Variants in SPHKAP observed in about 807,000 individuals in gnomAD.
SPHKAP encodes SPHK1 interactor, AKAP domain containing.
In SPHKAP, 67 loss-of-function variants were observed where a neutral mutation model predicts 137.5. The observed-to-expected ratio is 0.49, with a 90% CI of 0.40 to 0.60. The LOEUF (loss-of-function observed/expected upper bound fraction) is 0.60, where lower values mean the gene tolerates loss of function less well. Ranked by LOEUF, SPHKAP falls within the 20% of genes least tolerant of loss-of-function variation. The pLI is 0.00. For synonymous variants in SPHKAP, 813 were observed against 785.3 expected (o/e 1.04, Z -0.59); for missense variants, 2,097 against 2,069.3 (o/e 1.01, Z -0.26).
At chr2:228,078,622 T>C (rs1181472111) in intron 3 of SPHKAP, among the ~76,000 whole-genome samples, 5 of 152,086 alleles carry the variant, frequency 3.3e-5, no homozygotes, top group Non-Finnish European at 7.4e-5. Flanking sequence ...TCAAACAACT[T>C]TCCACACACA....
chr2:227,999,599 T>C (rs552646142), intron 7 of SPHKAP, among the ~76,000 whole-genome samples: 4 of 152,208 alleles, frequency 2.6e-5, no homozygotes, highest in Non-Finnish European at 5.9e-5. Flanking sequence ...ATCTCAGTGA[T>C]TGACATCCAA....
intron 1 of SPHKAP, among the ~76,000 whole-genome samples, chr2:228,164,757 C>T (rs965849738): frequency 3.9e-5 from 6 of 152,184 alleles, no homozygotes. Context: ...TCTTTAAACG[C>T]TCAATTGCTC....
At chr2:228,040,101 A>G (rs1229416160) in intron 3 of SPHKAP, among the ~76,000 whole-genome samples, 1 of 152,208 alleles carries the variant, frequency 6.6e-6, no homozygotes, top group Admixed American at 6.5e-5. Flanking sequence ...AACCAAAAGC[A>G]TGATGTCAAA....
At chr2:228,060,303 C>T (rs901159985) in intron 3 of SPHKAP, among the ~76,000 whole-genome samples, 10 of 152,126 alleles carry the variant, frequency 6.6e-5, no homozygotes, top group Admixed American at 6.5e-4. Context: ...TTTCTTTTCA[C>T]TCACGCTGGC....
intron 3 of SPHKAP, among the ~76,000 whole-genome samples, chr2:228,106,882 A>G (rs974380282): frequency 9.9e-5 from 15 of 152,216 alleles, no homozygotes; most frequent in African/African-American, 2.7e-4. Flanking sequence ...TTAGTTTTTC[A>G]TAGGGACCCT....
intron 3 of SPHKAP, among the ~76,000 whole-genome samples, chr2:228,050,043 A>G (rs1349161030): frequency 6.6e-6 from 1 of 152,224 alleles, no homozygotes; most frequent in East Asian, 1.9e-4. Flanking sequence ...ATGAACAGAC[A>G]CTTCTTAAAA....
At position 227,995,837 on chromosome 2, in the gene SPHKAP, G is replaced by A. The variant is rs1693622368; in HGVS notation, c.4449-143C>T. 1.8e-5 allele frequency: 23 copies of A among 1,252,728 alleles called. 1 individual carries two copies. The highest frequency in any genetic ancestry group is 3.4e-5 in the Admixed American group (1 of 29,038). The allele number at this position is 1,252,728 out of a possible 1,614,324, so 77.6% of individuals were successfully genotyped here. ...TCTCCCTGGGCTGATCCTTCTGCTG[G>A]TGCCCTAGGTCCCATTTGCCTTTTC... On this transcript the variant is annotated intron_variant, in intron 7 of 11. Transcript: ENST00000392056.
chr2:228,110,899 G>T (rs968885086), intron 2 of SPHKAP, among the ~76,000 whole-genome samples: 3 of 151,770 alleles, frequency 2.0e-5, no homozygotes, highest in African/African-American at 7.3e-5. Context: ...AAATTATTTT[G>T]TCAAATAACA....
In SPHKAP at chr2:228,128,293, G is replaced by A. The variant is rs116776428; in HGVS notation, c.138+3687C>T. 4.8e-3 allele frequency among the ~76,000 whole-genome samples: 726 copies of A among 152,280 alleles called. 6 individuals are homozygous for A. Among genetic ancestry groups the A allele is most frequent in the African/African-American group, 0.016 (681 of 41,570 alleles). The stretch of plus-strand genomic sequence containing the variant: ...TGTTGTCATTTCACAAACGTTCACA[G>A]CATCTTCACTAGGAGTAGAGTCCAT... On this transcript the variant is annotated intron_variant, in intron 2 of 11. Coordinates refer to ENST00000392056, the MANE Select transcript of SPHKAP (RefSeq NM_001142644.2).
rs1574742234 is a variant in SPHKAP, at chr2:228,011,248, T to C, written c.4448+5158A>G. Among the ~76,000 whole-genome samples the C allele has an allele frequency of 3.4e-5, 5 of 146,440 alleles. 1 individual carries two copies. In the South Asian group the frequency reaches 1.1e-3, roughly 32 times the overall value. ...AGATGCCTTTTTTTTTTTTTTTTAA[T>C]CAGTTCACTCTTCTGGTGGGTGAAC... On this transcript the variant is annotated intron_variant, in intron 7 of 11. Coordinates refer to ENST00000392056, the MANE Select transcript of SPHKAP (RefSeq NM_001142644.2).
intron 1 of SPHKAP, among the ~76,000 whole-genome samples, chr2:228,149,023 T>C (rs1052445342): frequency 6.6e-6 from 1 of 152,204 alleles, no homozygotes; most frequent in African/African-American, 2.4e-5. Context: ...GAGCTTCATA[T>C]AATTGATGCA....
chr2:227,983,944 C>T (rs190691229), intron 11 of SPHKAP, among the ~76,000 whole-genome samples: 10 of 152,118 alleles, frequency 6.6e-5, no homozygotes, highest in Admixed American at 5.9e-4. Context: ...TGTGGGGCTG[C>T]TTCATGCTCA....
At chr2:228,179,486 T>C (rs1184510076) in intron 1 of SPHKAP, among the ~76,000 whole-genome samples, 3 of 152,196 alleles carry the variant, frequency 2.0e-5, no homozygotes, top group African/African-American at 4.8e-5. Flanking sequence ...TACAATGAAA[T>C]AGAGGATTGA....
At chr2:228,131,032 A>G (rs1019516402) in intron 2 of SPHKAP, among the ~76,000 whole-genome samples, 2 of 152,054 alleles carry the variant, frequency 1.3e-5, no homozygotes, top group Admixed American at 1.3e-4. Context: ...TAATACTTGA[A>G]AACTAGAAAC....
chr2:228,066,486 C>G (rs1320986270), intron 3 of SPHKAP, among the ~76,000 whole-genome samples: 4 of 152,118 alleles, frequency 2.6e-5, no homozygotes, highest in South Asian at 4.1e-4. Flanking sequence ...GAAGTTTATC[C>G]TCTTTTAAAA....
At chr2:228,024,265 T>C (rs1198800839) in intron 5 of SPHKAP, among the ~76,000 whole-genome samples, 1 of 151,998 alleles carries the variant, frequency 6.6e-6, no homozygotes, top group East Asian at 1.9e-4. Context: ...CATAGAGATA[T>C]TGAAAGAAAG....
chr2:228,036,646 A>G lies in SPHKAP; in HGVS notation c.247-9103T>C, dbSNP rs577491267. 1.2e-4 allele frequency among the ~76,000 whole-genome samples: 19 copies of G among 152,284 alleles called. No individual in the cohort carries two copies. The South Asian group carries it at 3.9e-3, about 32-fold the overall frequency. ...TTGGAACCAACCCAAATGTCCAACAATGATAGACTGGATTAAGAAAATGTG... is the reference window on the plus strand; with the variant it reads ...TTGGAACCAACCCAAATGTCCAACAGTGATAGACTGGATTAAGAAAATGTG... On this transcript the variant is annotated intron_variant, in intron 3 of 11. Coordinates refer to ENST00000392056, the MANE Select transcript of SPHKAP (RefSeq NM_001142644.2).
At chr2:228,120,198 C>T (rs1043106433) in intron 2 of SPHKAP, among the ~76,000 whole-genome samples, 3 of 152,130 alleles carry the variant, frequency 2.0e-5, no homozygotes, top group Admixed American at 2.0e-4. Context: ...GGGAAGACTA[C>T]CAGAGAAGAG....
intron 7 of SPHKAP, among the ~76,000 whole-genome samples, chr2:228,004,248 T>C (rs1694034796): frequency 6.6e-6 from 1 of 152,192 alleles, no homozygotes; most frequent in African/African-American, 2.4e-5. Flanking sequence ...AGCCTGTTAT[T>C]GGTCTATTCA....
Sources: gnomAD v4.1 joint callset for allele counts (sites outside exome capture counted in the v4.1 genomes callset) on GRCh38, gnomAD v4.1.1 for gene constraint, MANE v1.5 for transcripts, NCBI Gene and HGNC (gene_info 2026-07-23, HGNC 2026-07-21) for gene names.